EPC1: variants seen among roughly 807,000 people sequenced by gnomAD.
EPC1 encodes the protein enhancer of polycomb homolog 1.
A neutral mutation model predicts 98.4 loss-of-function variants in EPC1; 12 were observed. That is an observed-to-expected ratio of 0.12 (90% CI 0.08 to 0.20). EPC1 has a LOEUF of 0.20. Among genes scored for constraint, EPC1 ranks in the 10% least tolerant of loss-of-function variants. EPC1 has a pLI of 1.00. For synonymous variants in EPC1, 357 were observed against 363.9 expected, an observed-to-expected ratio of 0.98 and a Z score of 0.21; for missense variants, 729 against 990.5, an observed-to-expected ratio of 0.74 and a Z score of 3.54.
chr10:32,323,260 C>CT (rs1837045497), intron 1 of EPC1, among the ~76,000 whole-genome samples: 4 of 152,028 alleles, frequency 2.6e-5, no homozygotes, highest in Non-Finnish European at 5.9e-5. Context: ...CACAAAATCC[C>CT]CCCCAGTGTA....
intron 2 of EPC1, among the ~76,000 whole-genome samples, chr10:32,302,662 AAAG>A: frequency 6.6e-6 from 1 of 151,344 alleles, no homozygotes; most frequent in African/African-American, 2.4e-5. Context: ...AAAAAAAAAA[AAAG>A]GAGGGTGGGG....
chr10:32,340,604 T>G (rs1838278719), intron 1 of EPC1, among the ~76,000 whole-genome samples: 2 of 152,106 alleles, frequency 1.3e-5, no homozygotes, highest in Non-Finnish European at 2.9e-5. Context: ...CCAAGGTGGG[T>G]GGATCACTTG....
intron 1 of EPC1, among the ~76,000 whole-genome samples, chr10:32,315,220 C>T (rs904089848): frequency 1.3e-5 from 2 of 152,004 alleles, no homozygotes; most frequent in Admixed American, 6.6e-5. Context: ...TTACTGTAGG[C>T]GCTCAGTATT....
intron 1 of EPC1, among the ~76,000 whole-genome samples, chr10:32,366,312 G>A (rs1032553899): frequency 3.0e-4 from 45 of 152,078 alleles, no homozygotes; most frequent in Admixed American, 2.7e-3. Flanking sequence ...TGCTCTTGCC[G>A]TTAGTGAACT....
chr10:32,283,681 A>C (rs1592544046), intron 10 of EPC1: 2 of 152,348 alleles, frequency 1.3e-5, no homozygotes, highest in Admixed American at 1.3e-4. Flanking sequence ...CATATAACAT[A>C]CAAAACATGT....
intron 1 of EPC1, chr10:32,345,327 A>AACATTTCACTGTC (rs1169633309): frequency 1.0e-6 from 1 of 985,340 alleles, no homozygotes; most frequent in African/African-American, 1.7e-5. Flanking sequence ...TCTCAAAAGT[A>AACATTTCACTGTC]ACATTTCACT....
intron 1 of EPC1, among the ~76,000 whole-genome samples, chr10:32,341,875 C>A (rs1221087341): frequency 6.6e-6 from 1 of 152,214 alleles, no homozygotes; most frequent in Non-Finnish European, 1.5e-5. Context: ...TCTGCCCCAG[C>A]CCATTACCGA....
At chr10:32,324,084 C>T (rs1301466749) in intron 1 of EPC1, among the ~76,000 whole-genome samples, 2 of 151,896 alleles carry the variant, frequency 1.3e-5, no homozygotes, top group Admixed American at 6.6e-5. Flanking sequence ...TACAGGCGCC[C>T]GCCACCACGC....
chr10:32,322,251 G>A (rs1836972146), intron 1 of EPC1, among the ~76,000 whole-genome samples: 2 of 151,854 alleles, frequency 1.3e-5, no homozygotes, highest in Admixed American at 6.6e-5. Context: ...ATTAAAATTT[G>A]TTAGTTCTTC....
At chr10:32,290,492 A>ATC in intron 6 of EPC1, among the ~76,000 whole-genome samples, 1 of 77,072 alleles carries the variant, frequency 1.3e-5, no homozygotes, top group Non-Finnish European at 3.2e-5. Context: ...TCAAAAAAAA[A>ATC]AAAAAAAAAA....
At chr10:32,325,289 T>C (rs1391702641) in intron 1 of EPC1, among the ~76,000 whole-genome samples, 1 of 152,208 alleles carries the variant, frequency 6.6e-6, no homozygotes, top group Non-Finnish European at 1.5e-5. Context: ...TTTACAGCTT[T>C]TCTAATTAAT....
At chr10:32,339,419 C>A (rs1055769619) in intron 1 of EPC1, among the ~76,000 whole-genome samples, 10 of 152,010 alleles carry the variant, frequency 6.6e-5, no homozygotes, top group African/African-American at 2.4e-4. Flanking sequence ...GTGGCACACA[C>A]CTGTAGCCCC....
At chr10:32,295,192 A>T (rs1835079271) in intron 2 of EPC1, among the ~76,000 whole-genome samples, 1 of 152,132 alleles carries the variant, frequency 6.6e-6, no homozygotes, top group South Asian at 2.1e-4. Flanking sequence ...CTGTACCGCT[A>T]AGTGGAGGGT....
chr10:32,354,453 C>CA (rs955959755), intron 1 of EPC1, among the ~76,000 whole-genome samples: 8 of 149,596 alleles, frequency 5.3e-5, no homozygotes, highest in Non-Finnish European at 7.4e-5. Flanking sequence ...GACTCTGCCT[C>CA]AAAAAAAAGA....
chr10:32,347,241 C>G, upstream of EPC1: 2 of 1,201,246 alleles, frequency 1.7e-6, no homozygotes, highest in Non-Finnish European at 2.1e-6. Context: ...GGAGCGCGGG[C>G]TCGAGGCCGG....
At chr10:32,285,940 C>T (rs1836657453) in intron 9 of EPC1, 2 of 151,910 alleles carry the variant, frequency 1.3e-5, no homozygotes, top group African/African-American at 4.8e-5. Context: ...TATTTTAGTG[C>T]CTAGATAATT....
intron 9 of EPC1, 55 bp from the exon 10 acceptor site, chr10:32,285,105 A>G: frequency 7.1e-7 from 1 of 1,406,522 alleles, no homozygotes; most frequent in Non-Finnish European, 9.7e-7. Flanking sequence ...CAAAGATTAT[A>G]TATTAAAGCT....
At chr10:32,287,792 A>G (rs1482695227) in intron 6 of EPC1, among the ~76,000 whole-genome samples, 1 of 152,228 alleles carries the variant, frequency 6.6e-6, no homozygotes, top group African/African-American at 2.4e-5. Flanking sequence ...AATAAAGAGT[A>G]GTAAGGATTT....
chr10:32,371,217 C>A (rs1839739440), intron 1 of EPC1, among the ~76,000 whole-genome samples: 1 of 152,180 alleles, frequency 6.6e-6, no homozygotes, highest in Admixed American at 6.5e-5. Context: ...TGGCATGTTG[C>A]AGTGTTTTTC....
Sources: gnomAD v4.1 joint callset for allele counts (sites outside exome capture counted in the v4.1 genomes callset) on GRCh38, gnomAD v4.1.1 for gene constraint, MANE v1.5 for transcripts, NCBI Gene and HGNC (gene_info 2026-07-23, HGNC 2026-07-21) for gene names.